CACNA2D3: variants seen among roughly 807,000 people sequenced by gnomAD.
CACNA2D3 encodes voltage-dependent calcium channel subunit alpha-2/delta-3.
Under a neutral mutation model 160.6 loss-of-function variants are expected in CACNA2D3, and 60 were observed. The ratio of observed to expected loss-of-function variants is 0.37; its 90% CI spans 0.30 to 0.46. The LOEUF is 0.46. Among genes scored for constraint, CACNA2D3 ranks in the 20% least tolerant of loss-of-function variants. The pLI is 1.00. For synonymous variants in CACNA2D3, 558 were observed against 492.9 expected (o/e 1.13, Z -1.75); for missense variants, 1,205 against 1,365.0 (o/e 0.88, Z 1.85).
intron 11 of CACNA2D3, among the ~76,000 whole-genome samples, chr3:54,681,833 C>T (rs936602721): frequency 3.3e-5 from 5 of 152,146 alleles, no homozygotes; most frequent in East Asian, 1.9e-4. Flanking sequence ...CAGGCATGCA[C>T]CACCACACCC....
intron 27 of CACNA2D3, among the ~76,000 whole-genome samples, chr3:54,940,821 T>C (rs1180720029): frequency 6.6e-6 from 1 of 152,160 alleles, no homozygotes; most frequent in Non-Finnish European, 1.5e-5. Flanking sequence ...GAAACCCATA[T>C]GCAAAAAAGG....
intron 11 of CACNA2D3, among the ~76,000 whole-genome samples, chr3:54,650,028 GTCA>G (rs1699729351): frequency 6.6e-6 from 1 of 152,108 alleles, no homozygotes; most frequent in Admixed American, 6.6e-5. Flanking sequence ...CCTGTTAGAT[GTCA>G]CTGCATGAAC....
chr3:54,871,741 G>C lies in CACNA2D3; in HGVS notation c.1710+119G>C, dbSNP rs998737221. The C allele has an allele frequency of 9.1e-4, 295 of 324,140 alleles. 1 individual carries two copies. The South Asian group carries it at 0.015, about 16-fold the overall frequency. The allele number at this position is 324,140 out of a possible 1,614,324, so 20.1% of individuals were successfully genotyped here. ...ACTGAAGGGACACCTGGCTACCAGA[G>C]GGACGTGGAGACAAGGGGCCTTTGT... On this transcript the variant is annotated intron_variant, in intron 18 of 37. Transcript: ENST00000474759.
chr3:54,518,880 A>G (rs1701598295), intron 5 of CACNA2D3, among the ~76,000 whole-genome samples: 2 of 152,188 alleles, frequency 1.3e-5, no homozygotes, highest in South Asian at 2.1e-4. Flanking sequence ...TGGATTCTGT[A>G]TAGAATATTT....
chr3:55,010,635 C>G (rs554585019), intron 34 of CACNA2D3, among the ~76,000 whole-genome samples: 1 of 152,260 alleles, frequency 6.6e-6, no homozygotes, highest in African/African-American at 2.4e-5. Context: ...TATTACCATT[C>G]TTATTATTTC....
intron 11 of CACNA2D3, among the ~76,000 whole-genome samples, chr3:54,678,984 T>C (rs1700295595): frequency 6.6e-6 from 1 of 151,962 alleles, no homozygotes; most frequent in African/African-American, 2.4e-5. Context: ...TTGTGGAGAG[T>C]GGCAGAAGGA....
In CACNA2D3 at chr3:54,282,441, G is replaced by A. The variant is rs150979071; in HGVS notation, c.205-38001G>A. Among the ~76,000 whole-genome samples the A allele has an allele frequency of 3.9e-5, 6 of 152,326 alleles. No individual in the cohort carries two copies. The East Asian group carries it at 9.6e-4, about 24-fold the overall frequency. On this transcript the variant is annotated intron_variant, in intron 2 of 37. Coordinates refer to ENST00000474759, the MANE Select transcript of CACNA2D3 (RefSeq NM_018398.3). ...CAGGTGTGAGGAAAGATGCGTCAAG[G>A]TAGAGACACCAGAGTACTATGTGGA...
chr3:54,551,713 G>A (rs560259640), intron 5 of CACNA2D3, among the ~76,000 whole-genome samples: 5 of 152,174 alleles, frequency 3.3e-5, no homozygotes, highest in East Asian at 1.9e-4. Context: ...TCTGGCCGTC[G>A]TGTTCAGCAC....
chr3:54,285,557 CT>C (rs1329206679), intron 2 of CACNA2D3, among the ~76,000 whole-genome samples: 1 of 152,226 alleles, frequency 6.6e-6, no homozygotes, highest in African/African-American at 2.4e-5. Context: ...TTAAATGTCC[CT>C]GTCTGACAGC....
intron 13 of CACNA2D3, among the ~76,000 whole-genome samples, chr3:54,770,121 G>A (rs992588721): frequency 3.9e-5 from 6 of 152,118 alleles, no homozygotes; most frequent in African/African-American, 1.2e-4. Flanking sequence ...CTGTTAACCC[G>A]AGATAACTTT....
chr3:55,013,449 C>T (rs1337150280), intron 34 of CACNA2D3, among the ~76,000 whole-genome samples: 2 of 152,194 alleles, frequency 1.3e-5, no homozygotes, highest in Non-Finnish European at 2.9e-5. Context: ...CGTCCATCTA[C>T]AGGGTTGCTG....
intron 2 of CACNA2D3, among the ~76,000 whole-genome samples, chr3:54,128,741 A>G (rs1699647714): frequency 6.6e-6 from 1 of 152,182 alleles, no homozygotes; most frequent in Non-Finnish European, 1.5e-5. Context: ...TACACAGGCA[A>G]TGTTAGCAGA....
At chr3:54,407,200 G>C (rs952735925) in intron 4 of CACNA2D3, among the ~76,000 whole-genome samples, 1 of 152,060 alleles carries the variant, frequency 6.6e-6, no homozygotes, top group Non-Finnish European at 1.5e-5. Flanking sequence ...GCTGTGGGGC[G>C]ATGGGAAAAA....
intron 11 of CACNA2D3, among the ~76,000 whole-genome samples, chr3:54,707,239 T>C (rs920333881): frequency 3.9e-5 from 6 of 152,156 alleles, no homozygotes; most frequent in African/African-American, 1.2e-4. Flanking sequence ...TTGGCCATGG[T>C]CCAGTCTAGT....
At chr3:54,626,763 G>A (rs1313575835) in intron 9 of CACNA2D3, 1 of 636,116 alleles carries the variant, frequency 1.6e-6, no homozygotes, top group Admixed American at 2.8e-5. Context: ...AAGCGAGGCC[G>A]TGGTGCCACC....
rs555808490 is a variant in CACNA2D3 at position 54,355,348 on chromosome 3, G to A, written c.322-31367G>A. Among the ~76,000 whole-genome samples, 238 of 152,318 alleles carry A rather than the reference G, an allele frequency of 1.6e-3. 2 individuals carry two copies. Among genetic ancestry groups the A allele is most frequent in the African/African-American group, 5.4e-3 (223 of 41,562 alleles). ...ATCTGATTTCCAATCCGGGCACTCC[G>A]GCTGCTGTATAGAGACTAGTCTGCA... On this transcript the variant is annotated intron_variant, in intron 3 of 37. Coordinates refer to ENST00000474759, the MANE Select transcript of CACNA2D3 (RefSeq NM_018398.3).
intron 2 of CACNA2D3, among the ~76,000 whole-genome samples, chr3:54,199,539 T>A (rs1394759377): frequency 6.6e-6 from 1 of 151,966 alleles, no homozygotes; most frequent in Non-Finnish European, 1.5e-5. Flanking sequence ...GCCACTAATT[T>A]TTTTATTTTT....
At chr3:54,488,152 G>C (rs1189506030) in intron 4 of CACNA2D3, among the ~76,000 whole-genome samples, 1 of 151,880 alleles carries the variant, frequency 6.6e-6, no homozygotes, top group Admixed American at 6.6e-5. Flanking sequence ...ATCTGGTTGA[G>C]TTAGAGAGGG....
At chr3:54,236,657 C>T (rs949773588) in intron 2 of CACNA2D3, among the ~76,000 whole-genome samples, 2 of 151,992 alleles carry the variant, frequency 1.3e-5, no homozygotes, top group African/African-American at 2.4e-5. Flanking sequence ...AAATTCTTGC[C>T]GGGGTCATCG....
Sources: allele counts gnomAD v4.1 joint callset (sites outside exome capture counted in the v4.1 genomes callset), GRCh38; gene constraint gnomAD v4.1.1; transcripts MANE v1.5; gene names NCBI Gene and HGNC (gene_info 2026-07-23, HGNC 2026-07-21).